Variants in OSBPL10 observed in about 807,000 individuals in gnomAD.
OSBPL10 encodes oxysterol binding protein like 10.
Under a neutral mutation model 81.7 loss-of-function variants are expected in OSBPL10, and 49 were observed. That is an observed-to-expected ratio of 0.60 (90% CI 0.48 to 0.76). OSBPL10 has a LOEUF of 0.76. OSBPL10 is among the 30% of genes least tolerant of loss of function. The pLI is 0.00. For missense variants in OSBPL10, 923 were observed against 987.8 expected (o/e 0.93, Z 0.88); for synonymous variants, 419 against 383.6 (o/e 1.09, Z -1.08).
chr3:31,984,722 C>A (rs1254330910), upstream of OSBPL10, among the ~76,000 whole-genome samples: 1 of 152,070 alleles, frequency 6.6e-6, no homozygotes, highest in Non-Finnish European at 1.5e-5. Flanking sequence ...ATTAGTTTTA[C>A]AAAGGTAGTT....
intron 5 of OSBPL10, among the ~76,000 whole-genome samples, chr3:31,743,418 G>C (rs897378583): frequency 3.9e-5 from 6 of 152,160 alleles, no homozygotes; most frequent in Non-Finnish European, 7.3e-5. Context: ...GTATATCTTG[G>C]AGATAATAAC....
chr3:31,727,745 T>G (rs1304714971), intron 6 of OSBPL10, among the ~76,000 whole-genome samples: 2 of 152,316 alleles, frequency 1.3e-5, no homozygotes, highest in East Asian at 3.9e-4. Flanking sequence ...CATATTAACC[T>G]TGTTCATCTC....
intron 1 of OSBPL10, among the ~76,000 whole-genome samples, chr3:31,886,723 C>T (rs1370159531): frequency 1.3e-5 from 2 of 152,056 alleles, no homozygotes; most frequent in African/African-American, 4.8e-5. Flanking sequence ...GGGCGGATCA[C>T]GAGGTCAGGA....
intron 7 of OSBPL10, among the ~76,000 whole-genome samples, chr3:31,697,560 AAAT>A (rs1239662994): frequency 6.6e-6 from 1 of 152,234 alleles, no homozygotes; most frequent in Non-Finnish European, 1.5e-5. Context: ...ATAAAACAAA[AAAT>A]AAAAAACAAT....
At chr3:31,971,447 G>T (rs1698565796) in intron 1 of OSBPL10, among the ~76,000 whole-genome samples, 1 of 152,154 alleles carries the variant, frequency 6.6e-6, no homozygotes, top group Admixed American at 6.5e-5. Context: ...GCCCTAATGA[G>T]TGCTTTCTAT....
intron 5 of OSBPL10, among the ~76,000 whole-genome samples, chr3:31,746,983 A>T (rs536912102): frequency 2.0e-5 from 3 of 152,278 alleles, no homozygotes; most frequent in South Asian, 2.1e-4. Flanking sequence ...ATAATAATAA[A>T]AAAAAGAAAA....
At chr3:31,812,790 GAAA>G (rs1699732758) in intron 4 of OSBPL10, among the ~76,000 whole-genome samples, 1 of 46,266 alleles carries the variant, frequency 2.2e-5, no homozygotes, top group Non-Finnish European at 3.9e-5. Context: ...AAGAAAGAAA[GAAA>G]GAAAGAAAGA....
At chr3:31,677,716 A>G (rs1020314542) in intron 8 of OSBPL10, among the ~76,000 whole-genome samples, 1 of 152,168 alleles carries the variant, frequency 6.6e-6, no homozygotes, top group Non-Finnish European at 1.5e-5. Flanking sequence ...TATGAGAAAC[A>G]GAGGAGCTAT....
intron 2 of OSBPL10, among the ~76,000 whole-genome samples, chr3:32,003,387 G>T (rs992134847): frequency 2.0e-5 from 3 of 152,200 alleles, no homozygotes; most frequent in African/African-American, 7.2e-5. Context: ...AAGGCACCTG[G>T]TTTGCAAAGC....
chr3:31,845,505 T>G (rs945431951), intron 3 of OSBPL10, among the ~76,000 whole-genome samples: 2 of 152,248 alleles, frequency 1.3e-5, no homozygotes, highest in African/African-American at 4.8e-5. Context: ...TTTTATTATG[T>G]GCAATTATAG....
chr3:31,907,078 A>G (rs1696428362), intron 1 of OSBPL10: 1 of 152,154 alleles, frequency 6.6e-6, no homozygotes, highest in Admixed American at 6.5e-5. Context: ...CCCAGATGCA[A>G]TGATGCACAG....
chr3:32,012,459 G>T (rs1265477141), intron 2 of OSBPL10, among the ~76,000 whole-genome samples: 1 of 152,172 alleles, frequency 6.6e-6, no homozygotes, highest in Admixed American at 6.5e-5. Flanking sequence ...ACATGGAAAG[G>T]AACAACCAGT....
chr3:31,874,371 C>T (rs1375862215), intron 3 of OSBPL10, among the ~76,000 whole-genome samples: 3 of 152,016 alleles, frequency 2.0e-5, no homozygotes, highest in African/African-American at 7.2e-5. Context: ...TAAAAATACT[C>T]ATAAACTTGA....
At chr3:31,668,085 T>G (rs1049073165) in intron 10 of OSBPL10, among the ~76,000 whole-genome samples, 2 of 152,248 alleles carry the variant, frequency 1.3e-5, no homozygotes, top group Non-Finnish European at 2.9e-5. Flanking sequence ...GTTGTTTAAA[T>G]TTTTTCTGAA....
chr3:31,868,205 G>A (rs1701230921), intron 3 of OSBPL10, among the ~76,000 whole-genome samples: 1 of 152,134 alleles, frequency 6.6e-6, no homozygotes. Context: ...GTGACCTTTT[G>A]AAATACTTTT....
Position 31,695,832 on chromosome 3 carries a change from T to G in OSBPL10, c.1245+6527A>C, listed in dbSNP as rs553620315. Among the ~76,000 whole-genome samples the G allele has an allele frequency of 2.0e-5, 3 of 152,306 alleles. No homozygotes were observed. In the South Asian group the frequency reaches 6.2e-4, roughly 32 times the overall value. On this transcript the variant is annotated intron_variant, in intron 7 of 11. Transcript: ENST00000396556. ...CTTTATCACTCTCAGCTGGTCACTT[T>G]CCTGCTTTTCTCACTGGGTAAATTG...
chr3:31,774,344 T>A (rs72859691), intron 4 of OSBPL10, among the ~76,000 whole-genome samples: 26,276 of 151,896 alleles, frequency 0.17, 3,708 homozygotes, highest in African/African-American at 0.39. Flanking sequence ...ATAAATTGAC[T>A]TTAGAGGAGT....
chr3:31,661,795 A>C lies in OSBPL10; in HGVS notation c.*277T>G. On this transcript the variant is annotated 3_prime_UTR_variant, in exon 12 of 12. Transcript: ENST00000396556. ...CCACTTTAACCTTGGTGAGTGCAGT[A>C]TTTAAATGTGTAATCATACTCAGAT... The C allele has an allele frequency of 6.2e-6, 2 of 324,128 alleles. No homozygotes were observed. The highest frequency in any genetic ancestry group is 1.1e-5 in the Non-Finnish European group (2 of 179,858). 20.1% of individuals were successfully genotyped at this position (324,128 alleles called of 1,614,324 possible).
intron 4 of OSBPL10, among the ~76,000 whole-genome samples, chr3:31,752,357 A>G (rs1697747947): frequency 2.0e-5 from 3 of 152,230 alleles, no homozygotes; most frequent in Admixed American, 2.0e-4. Flanking sequence ...TTCCACGATC[A>G]AGGCATCATG....
Sources: gnomAD v4.1 joint callset for allele counts (sites outside exome capture counted in the v4.1 genomes callset) on GRCh38, gnomAD v4.1.1 for gene constraint, MANE v1.5 for transcripts, NCBI Gene and HGNC (gene_info 2026-07-23, HGNC 2026-07-21) for gene names.